The following CRYBB2 variants were observed in gnomAD, a reference collection of about 807,000 sequenced individuals.
CRYBB2 encodes crystallin beta B2, also known as beta-crystallin B2.
Under a neutral mutation model 24.3 loss-of-function variants are expected in CRYBB2, and 12 were observed. The ratio of observed to expected loss-of-function variants is 0.49; its 90% CI spans 0.32 to 0.80. CRYBB2 has a LOEUF of 0.80. Among genes scored for constraint, CRYBB2 ranks in the 30% least tolerant of loss-of-function variants. The probability of loss-of-function intolerance (pLI) is 0.04; values close to 1 mark genes in which losing one functional copy is unlikely to be tolerated. For missense variants in CRYBB2, 198 were observed against 268.5 expected, an observed-to-expected ratio of 0.74 and a Z score of 1.83; for synonymous variants, 98 against 101.6, an observed-to-expected ratio of 0.96 and a Z score of 0.21.
upstream of CRYBB2, among the ~76,000 whole-genome samples, chr22:25,217,814 A>G (rs1359314839): frequency 6.6e-6 from 1 of 152,146 alleles, no homozygotes; most frequent in Non-Finnish European, 1.5e-5. Flanking sequence ...GGGCTGGGGC[A>G]TGTGTGTGTA....
Position 25,229,530 on chromosome 22 carries a change from C to T in CRYBB2, c.401C>T (p.Ala134Val). The T allele has an allele frequency of 3.7e-6, 6 of 1,614,238 alleles. No homozygotes were observed. The highest frequency in any genetic ancestry group is 5.1e-6 in the Non-Finnish European group (6 of 1,180,048). ...GATGACGATGTACCCAGCTTCCACGCCCATGGCTACCAGGAGAAGGTGTCA... is the reference window on the plus strand; with the variant it reads ...GATGACGATGTACCCAGCTTCCACGTCCATGGCTACCAGGAGAAGGTGTCA... ...IIDDDVPSFH[A>V]HGYQEKVSSV... is the part of the protein sequence containing the mutation. The change falls in exon 5 of 6, where the codon GCC becomes GTC. Residue 134 changes from alanine to valine, a missense_variant. By Grantham distance (64) the Ala-to-Val change is moderately conservative. Coordinates refer to ENST00000398215, the MANE Select transcript of CRYBB2 (RefSeq NM_000496.3).
At chr22:25,229,017 T>G (rs538330451) in intron 4 of CRYBB2, among the ~76,000 whole-genome samples, 1 of 144,826 alleles carries the variant, frequency 6.9e-6, no homozygotes, top group African/African-American at 2.6e-5. Context: ...CAAGTGTGGG[T>G]GTGCACGTGT....
chr22:25,225,333 G>A (rs948604751), intron 3 of CRYBB2, among the ~76,000 whole-genome samples: 2 of 152,168 alleles, frequency 1.3e-5, no homozygotes, highest in Non-Finnish European at 2.9e-5. Context: ...GGGTCATGTG[G>A]AAAGCCTGAT....
intron 5 of CRYBB2, among the ~76,000 whole-genome samples, chr22:25,230,128 A>G (rs1935504808): frequency 6.6e-6 from 1 of 151,618 alleles, no homozygotes; most frequent in South Asian, 2.1e-4. Flanking sequence ...GGTGTGCTGG[A>G]AACAGCTTAT....
At chr22:25,212,464 G>A (rs763600685), upstream of CRYBB2, among the ~76,000 whole-genome samples, 9 of 152,290 alleles carry the variant, frequency 5.9e-5, no homozygotes, top group Middle Eastern at 3.4e-3. Flanking sequence ...TGTGGTCACT[G>A]CCCCCAGGAA....
chr22:25,223,602 G>T (rs1481546936), intron 2 of CRYBB2, among the ~76,000 whole-genome samples: 1 of 152,186 alleles, frequency 6.6e-6, no homozygotes, highest in African/African-American at 2.4e-5. Context: ...GTCACTGACT[G>T]TAAAGGCTGG....
chr22:25,226,825 C>CA (rs1935426366), intron 3 of CRYBB2, among the ~76,000 whole-genome samples: 1 of 152,214 alleles, frequency 6.6e-6, no homozygotes, highest in African/African-American at 2.4e-5. Flanking sequence ...AAGCATGCAC[C>CA]ACTGTGCTGC....
intron 2 of CRYBB2, among the ~76,000 whole-genome samples, chr22:25,223,966 C>CA (rs1200307073): frequency 7.3e-5 from 11 of 151,592 alleles, no homozygotes; most frequent in Non-Finnish European, 1.0e-4. Flanking sequence ...TAAAAAAATA[C>CA]AAAAAAAATT....
chr22:25,221,616 C>G, intron 2 of CRYBB2, 133 bp downstream of exon 2: 1 of 683,282 alleles, frequency 1.5e-6, no homozygotes, highest in South Asian at 1.6e-5. Flanking sequence ...GACTCAGTCT[C>G]CTCTACCCAC....
At chr22:25,226,036 C>T (rs769850061) in intron 3 of CRYBB2, among the ~76,000 whole-genome samples, 1 of 152,008 alleles carries the variant, frequency 6.6e-6, no homozygotes, top group African/African-American at 2.4e-5. Context: ...AAAAATATAA[C>T]ATTTAGTATT....
At chr22:25,219,349 C>T (rs1935281435), upstream of CRYBB2, among the ~76,000 whole-genome samples, 1 of 152,196 alleles carries the variant, frequency 6.6e-6, no homozygotes, top group Admixed American at 6.5e-5. Context: ...GCCTGACTGA[C>T]CGTACCAGTG....
At chr22:25,218,213 C>T (rs147726651), upstream of CRYBB2, among the ~76,000 whole-genome samples, 31 of 150,556 alleles carry the variant, frequency 2.1e-4, no homozygotes, top group Non-Finnish European at 3.0e-4. Context: ...GAGCTGAGAT[C>T]GTGCCACTGC....
chr22:25,226,449 T>C (rs947714014), intron 3 of CRYBB2, among the ~76,000 whole-genome samples: 1 of 152,172 alleles, frequency 6.6e-6, no homozygotes, highest in Non-Finnish European at 1.5e-5. Context: ...GAATCTGCAT[T>C]TAACAAGCTT....
At chr22:25,215,575 G>C (rs917290341), upstream of CRYBB2, among the ~76,000 whole-genome samples, 4 of 151,996 alleles carry the variant, frequency 2.6e-5, no homozygotes, top group African/African-American at 9.7e-5. Context: ...CCACTGGTTA[G>C]GGTCTCCCTG....
chr22:25,213,485 G>T (rs946727172), intron 1 of CRYBB2: 5 of 152,202 alleles, frequency 3.3e-5, no homozygotes, highest in African/African-American at 9.6e-5. Flanking sequence ...GCTGGTCAGC[G>T]GGGGGCTTTT....
chr22:25,222,417 G>A (rs1262110321), intron 2 of CRYBB2, among the ~76,000 whole-genome samples: 1 of 152,236 alleles, frequency 6.6e-6, no homozygotes, highest in Non-Finnish European at 1.5e-5. Flanking sequence ...TGGTCCAGGA[G>A]GGTCTCTCTG....
At chr22:25,231,425 G>A (rs552582419) in intron 5 of CRYBB2, among the ~76,000 whole-genome samples, 179 bp from the exon 6 acceptor site, 48 of 152,260 alleles carry the variant, frequency 3.2e-4, no homozygotes, top group South Asian at 2.1e-3. Context: ...CAGAGGCTCA[G>A]TGCTGGAAGG....
chr22:25,217,779 C>G (rs2146082812), upstream of CRYBB2, among the ~76,000 whole-genome samples: 1 of 152,244 alleles, frequency 6.6e-6, no homozygotes, highest in Non-Finnish European at 1.5e-5. Context: ...GTGATGAGTG[C>G]TGCAAAAGGA....
chr22:25,213,465 G>C (rs1236446082), intron 1 of CRYBB2: 2 of 152,214 alleles, frequency 1.3e-5, no homozygotes, highest in Non-Finnish European at 2.9e-5. Context: ...ACTCATGAAA[G>C]ATGTCTAGTG....
Sources: gnomAD v4.1 joint callset for allele counts (sites outside exome capture counted in the v4.1 genomes callset) on GRCh38, gnomAD v4.1.1 for gene constraint, MANE v1.5 for transcripts, NCBI Gene and HGNC (gene_info 2026-07-23, HGNC 2026-07-21) for gene names.